Variants in TRIO observed in about 807,000 individuals in gnomAD.
TRIO encodes the protein triple functional domain protein.
TRIO carries 58 observed loss-of-function variants against 351.9 expected under a neutral mutation model. That is an observed-to-expected ratio of 0.16 (90% confidence interval 0.13 to 0.21). The LOEUF is 0.21. Among genes scored for constraint, TRIO ranks in the 10% least tolerant of loss-of-function variants. The pLI is 1.00. For missense variants in TRIO, 3,201 were observed against 4,027.8 expected, an observed-to-expected ratio of 0.79 and a Z score of 5.56; for synonymous variants, 1,758 against 1,595.7, an observed-to-expected ratio of 1.10 and a Z score of -2.42.
chr5:14,306,455 T>C (rs1738376328), intron 8 of TRIO, among the ~76,000 whole-genome samples: 1 of 152,276 alleles, frequency 6.6e-6, no homozygotes, highest in South Asian at 2.1e-4. Flanking sequence ...TTTCCCGTGA[T>C]GTGCCATCTC....
At chr5:14,470,809 G>A (rs1671983890) in intron 37 of TRIO, among the ~76,000 whole-genome samples, 1 of 152,202 alleles carries the variant, frequency 6.6e-6, no homozygotes. Flanking sequence ...ATGAGTCAAA[G>A]CTCTAGTAGG....
In TRIO at chr5:14,267,299, GC is replaced by G. The variant is rs745785510; in HGVS notation, c.158-3525del. Among the ~76,000 whole-genome samples, 200 of 152,164 alleles carry G rather than the reference GC, an allele frequency of 1.3e-3. 1 individual carries two copies. Among genetic ancestry groups the G allele is most frequent in the Non-Finnish European group, 1.7e-3 (115 of 68,014 alleles). On this transcript the variant is annotated intron_variant, in intron 1 of 56. Transcript: ENST00000344204. ...GGTGGCACTGAGAAGTAGAAATGTT[GC>G]TGACGCCTGGTCTTTGGTACAAAGA...
chr5:14,239,178 T>A (rs1390160663), intron 1 of TRIO, among the ~76,000 whole-genome samples: 2 of 152,156 alleles, frequency 1.3e-5, no homozygotes, highest in Non-Finnish European at 1.5e-5. Flanking sequence ...AATATATAAG[T>A]GGTATTCTGA....
intron 1 of TRIO, among the ~76,000 whole-genome samples, chr5:14,222,182 G>C (rs1432742666): frequency 6.7e-6 from 1 of 150,294 alleles, no homozygotes; most frequent in Non-Finnish European, 1.5e-5. Context: ...TTAAATTAAG[G>C]TGTGTTCATT....
intron 53 of TRIO, among the ~76,000 whole-genome samples, chr5:14,500,580 G>T (rs1489690207): frequency 2.0e-5 from 3 of 152,150 alleles, no homozygotes; most frequent in African/African-American, 7.2e-5. Context: ...CCACCAGCCA[G>T]GGCCGAGGCT....
chr5:14,302,121 C>G (rs1318417391), intron 7 of TRIO, among the ~76,000 whole-genome samples: 1 of 152,162 alleles, frequency 6.6e-6, no homozygotes, highest in Non-Finnish European at 1.5e-5. Context: ...TGTAAAACTT[C>G]TTGAATGTTT....
In TRIO at chr5:14,487,708, G is replaced by C. The variant is rs746319480; in HGVS notation, c.7080G>C (p.Gln2360His). 2 of 1,443,046 alleles carry C rather than the reference G, an allele frequency of 1.4e-6. No homozygotes were observed. Among genetic ancestry groups the C allele is most frequent in the Non-Finnish European group, 1.8e-6 (2 of 1,088,852 alleles). The allele number at this position is 1,443,046 out of a possible 1,614,324, so 89.4% of individuals were successfully genotyped here. The change falls in exon 48 of 57, where the codon CAG becomes CAC. Residue 2360 changes from glutamine to histidine, a missense_variant. Transcript: ENST00000344204. Reference protein sequence around the residue: ...PVLVSSAASSQAEADKMSGTS... With the variant: ...PVLVSSAASSHAEADKMSGTS... ...TGGTCTCCTCTGCAGCCTCGAGCCA[G>C]GCAGAGGCAGACAAGATGTCAGGTA...
intron 1 of TRIO, among the ~76,000 whole-genome samples, chr5:14,236,822 G>A (rs567621376): frequency 2.7e-4 from 41 of 152,120 alleles, no homozygotes; most frequent in African/African-American, 9.9e-4. Context: ...AAACCCCACA[G>A]CCCTTACCCT....
At chr5:14,193,147 A>G (rs904883338) in intron 1 of TRIO, among the ~76,000 whole-genome samples, 7 of 152,258 alleles carry the variant, frequency 4.6e-5, no homozygotes, top group African/African-American at 1.7e-4. Context: ...GTTTTGAATT[A>G]ATATTTATTG....
chr5:14,347,271 C>A (rs28524021), intron 11 of TRIO, among the ~76,000 whole-genome samples: 46 of 20,654 alleles, frequency 2.2e-3, no homozygotes, highest in African/African-American at 9.3e-3. Context: ...AGAGATGATG[C>A]TGGACCAGTC....
intron 49 of TRIO, among the ~76,000 whole-genome samples, chr5:14,494,237 T>C (rs1304273562): frequency 1.3e-5 from 2 of 152,136 alleles, no homozygotes; most frequent in East Asian, 3.8e-4. Context: ...CTGCACTGAG[T>C]ATTATTTTAC....
chr5:14,307,831 T>G (rs1203117488), intron 8 of TRIO, among the ~76,000 whole-genome samples: 1 of 152,246 alleles, frequency 6.6e-6, no homozygotes, highest in Non-Finnish European at 1.5e-5. Flanking sequence ...TCTGTATTTA[T>G]TAGGTGGCTT....
chr5:14,183,291 T>C (rs1367756588), intron 1 of TRIO, among the ~76,000 whole-genome samples: 1 of 152,184 alleles, frequency 6.6e-6, no homozygotes, highest in African/African-American at 2.4e-5. Context: ...GGAGTCATTT[T>C]TTTGTGACTT....
Position 14,336,740 on chromosome 5 carries a change from G to A in TRIO, c.2046+13G>A, listed in dbSNP as rs1174705125. 1 of 1,613,888 alleles carries A rather than the reference G, an allele frequency of 6.2e-7. No homozygotes were observed. Among genetic ancestry groups the A allele is most frequent in the Non-Finnish European group, 8.5e-7 (1 of 1,179,864 alleles). ...CCATGTGAAAGAGGTAAGGTGCCAG[G>A]AGACCAAAATATGATCTGTGCTTGA... On this transcript the variant is annotated intron_variant, in intron 11 of 56. Coordinates refer to ENST00000344204, the MANE Select transcript of TRIO (RefSeq NM_007118.4).
At chr5:14,481,373 G>C in intron 44 of TRIO, 89 bp downstream of exon 44, 1 of 1,560,820 alleles carries the variant, frequency 6.4e-7, no homozygotes, top group Non-Finnish European at 8.8e-7. Flanking sequence ...TCTGGCCCTG[G>C]GAGGGGGTCA....
At chr5:14,178,849 G>C (rs1156406925) in intron 1 of TRIO, among the ~76,000 whole-genome samples, 2 of 152,158 alleles carry the variant, frequency 1.3e-5, no homozygotes, top group Non-Finnish European at 2.9e-5. Flanking sequence ...GTGGTGGTCT[G>C]TTTGAAAACA....
intron 31 of TRIO, among the ~76,000 whole-genome samples, chr5:14,404,757 C>G (rs1748556996): frequency 6.6e-6 from 1 of 152,188 alleles, no homozygotes; most frequent in Non-Finnish European, 1.5e-5. Context: ...CTTTACCCAT[C>G]ATTTCTTTTC....
Position 14,423,355 on chromosome 5 carries a change from C to T in TRIO, c.5203+3334C>T, listed in dbSNP as rs146158156. Among the ~76,000 whole-genome samples the T allele has an allele frequency of 3.9e-3, 594 of 152,308 alleles. 3 individuals are homozygous for T. Among genetic ancestry groups the T allele is most frequent in the African/African-American group, 0.013 (555 of 41,570 alleles). Reference sequence around the variant, plus strand: ...TAGTACGTGGGCTCACTGTTGAAATCGGTGTCACGTCACCATTGTTGATGG... The same window carrying T: ...TAGTACGTGGGCTCACTGTTGAAATTGGTGTCACGTCACCATTGTTGATGG... On this transcript the variant is annotated intron_variant, in intron 34 of 56. Transcript: ENST00000344204.
At chr5:14,402,092 GTACT>G (rs1230854755) in intron 31 of TRIO, among the ~76,000 whole-genome samples, 1 of 152,188 alleles carries the variant, frequency 6.6e-6, no homozygotes, top group Non-Finnish European at 1.5e-5. Context: ...GCTCTGGCTA[GTACT>G]GGCATAAAGC....
Sources: allele counts gnomAD v4.1 joint callset (sites outside exome capture counted in the v4.1 genomes callset), GRCh38; gene constraint gnomAD v4.1.1; transcripts MANE v1.5; gene names NCBI Gene and HGNC (gene_info 2026-07-23, HGNC 2026-07-21).